SRARP: variants seen among roughly 807,000 people sequenced by gnomAD.
SRARP encodes steroid receptor associated and regulated protein.
SRARP carries 5 observed loss-of-function variants against 3.6 expected under a neutral mutation model. The observed-to-expected ratio is 1.39, with a 90% confidence interval of 0.73 to 2.93. The LOEUF is 2.93. SRARP is among the 30% of genes most tolerant of loss of function. The pLI, the probability that SRARP is intolerant of heterozygous loss-of-function variation, is 0.00. For missense variants in SRARP, 215 were observed against 216.7 expected, an observed-to-expected ratio of 0.99 and a Z score of 0.05; for synonymous variants, 96 against 91.6, an observed-to-expected ratio of 1.05 and a Z score of -0.27.
chr1:16,006,452 T>G lies in SRARP; in HGVS notation c.*106T>G, dbSNP rs892930585. On this transcript the variant is annotated 3_prime_UTR_variant, in exon 2 of 2. Coordinates refer to ENST00000329454, the MANE Select transcript of SRARP (RefSeq NM_178840.4). Reference sequence around the variant, plus strand: ...TGTGCTTGAGCCAAGGAAACATCATTAGATCCGCTAAGGGGCATCTGAAAC... The same window carrying G: ...TGTGCTTGAGCCAAGGAAACATCATGAGATCCGCTAAGGGGCATCTGAAAC... The G allele has an allele frequency of 4.0e-5, 50 of 1,256,970 alleles. No individual in the cohort carries two copies. The African/African-American group carries it at 7.6e-4, about 19-fold the overall frequency. The allele number at this position is 1,256,970 out of a possible 1,614,324, so 77.9% of individuals were successfully genotyped here.
chr1:16,008,305 G>C lies in SRARP; in HGVS notation c.*1959G>C, dbSNP rs190694129. The C allele has an allele frequency of 6.6e-6, 1 of 152,338 alleles. No homozygotes were observed. The highest frequency in any genetic ancestry group is 1.9e-4 in the East Asian group (1 of 5,194). The allele number at this position is 152,338 out of a possible 1,614,324, so 9.4% of individuals were successfully genotyped here. A position where few individuals can be genotyped will look rare whatever the true frequency, so the allele number is the denominator to read the frequency against. Reference sequence around the variant, plus strand: ...AGTGCTCTGGGCAGAAGGACCAGTCGTTCAGTCTGGCTAGGGTAATTGTCA... The same window carrying C: ...AGTGCTCTGGGCAGAAGGACCAGTCCTTCAGTCTGGCTAGGGTAATTGTCA... On this transcript the variant is annotated 3_prime_UTR_variant, in exon 2 of 2. Coordinates refer to ENST00000329454, the MANE Select transcript of SRARP (RefSeq NM_178840.4).
At chr1:16,004,538 C>A (rs2073116130) in intron 1 of SRARP, among the ~76,000 whole-genome samples, 153 bp downstream of exon 1, 1 of 151,886 alleles carries the variant, frequency 6.6e-6, no homozygotes, top group Non-Finnish European at 1.5e-5. Flanking sequence ...CATAGTGAAA[C>A]CCCATATCTG....
At chr1:16,005,521 G>A (rs1372210913) in intron 1 of SRARP, among the ~76,000 whole-genome samples, 1 of 152,180 alleles carries the variant, frequency 6.6e-6, no homozygotes, top group Non-Finnish European at 1.5e-5. Context: ...GTCCTCCTCT[G>A]TTGGTGTATC....
intron 1 of SRARP, 133 bp downstream of exon 1, chr1:16,004,518 G>A: frequency 1.4e-6 from 1 of 703,256 alleles, no homozygotes; most frequent in East Asian, 3.3e-5. Context: ...TTCGAGACCA[G>A]CTTGGCCAAC....
In SRARP at chr1:16,007,298, C is replaced by T. The variant is rs914511901; in HGVS notation, c.*952C>T. The stretch of plus-strand genomic sequence containing the variant: ...GAGGAGGTTCACCCCTCAGGGCAAT[C>T]GTGTTCCCTGAGCAGGAGGTGGAGT... On this transcript the variant is annotated 3_prime_UTR_variant, in exon 2 of 2. Coordinates refer to ENST00000329454, the MANE Select transcript of SRARP (RefSeq NM_178840.4). The T allele has an allele frequency of 1.3e-5, 2 of 150,420 alleles. No homozygotes were observed. The highest frequency in any genetic ancestry group is 2.9e-5 in the Non-Finnish European group (2 of 67,888). The allele number at this position is 150,420 out of a possible 1,614,324, so 9.3% of individuals were successfully genotyped here.
At chr1:16,005,863 G>A in intron 1 of SRARP, 56 bp from the exon 2 acceptor site, 1 of 1,462,362 alleles carries the variant, frequency 6.8e-7, no homozygotes. Flanking sequence ...CCCTGTCTCA[G>A]GGGAAAAGAA....
rs781458781 is a variant in SRARP, at chr1:16,006,180, G to C, written c.344G>C (p.Gly115Ala). 1.2e-6 allele frequency: 2 copies of C among 1,613,912 alleles called. No individual in the cohort carries two copies. Among genetic ancestry groups the C allele is most frequent in the Admixed American group, 3.3e-5 (2 of 60,034 alleles). ...AGGGCCACCCTGCCGCTCTGCAGAG[G>C]GTCTGTGGCCTCAGCTTCCTTCCCA... ...QARATLPLCR[G>A]SVASASFPVS... Residue 115 changes from glycine (G) to alanine (A), a missense_variant, in exon 2 of 2, where the codon GGG becomes GCG. Gly to Ala is a moderately conservative substitution (Grantham distance 60, BLOSUM62 0). Coordinates refer to ENST00000329454, the MANE Select transcript of SRARP (RefSeq NM_178840.4).
chr1:16,006,714 T>C lies in SRARP; in HGVS notation c.*368T>C, dbSNP rs948768972. The C allele has an allele frequency of 6.3e-5, 12 of 190,166 alleles. No individual in the cohort carries two copies. The Admixed American group carries it at 6.4e-4, about 10-fold the overall frequency. The allele number at this position is 190,166 out of a possible 1,614,324, so 11.8% of individuals were successfully genotyped here. ...ACAGCGATGAATGCTCTGCAGGAAC[T>C]GAAACAGGATGCTAGAGGGAGAGTG... On this transcript the variant is annotated 3_prime_UTR_variant, in exon 2 of 2. Coordinates refer to ENST00000329454, the MANE Select transcript of SRARP (RefSeq NM_178840.4).
intron 1 of SRARP, among the ~76,000 whole-genome samples, chr1:16,004,713 CAAA>C (rs1190178584): frequency 1.3e-3 from 41 of 31,630 alleles, no homozygotes; most frequent in African/African-American, 5.6e-3. Context: ...GACTCCATCT[CAAA>C]AAAAAAAAAA....
In SRARP at chr1:16,007,035, G is replaced by C. The variant is rs1185991625; in HGVS notation, c.*689G>C. The C allele has an allele frequency of 6.6e-6, 1 of 152,220 alleles. No individual in the cohort carries two copies. The highest frequency in any genetic ancestry group is 1.5e-5 in the Non-Finnish European group (1 of 68,064). The allele number at this position is 152,220 out of a possible 1,614,324, so 9.4% of individuals were successfully genotyped here. On this transcript the variant is annotated 3_prime_UTR_variant, in exon 2 of 2. Transcript: ENST00000329454. ...TCGAGGGCCATGCCAGTTGGGGCTG[G>C]GAGGCTCAGGGAAGTTGGCTCCAGG...
At position 16,006,049 on chromosome 1, in the gene SRARP, A is replaced by G. The variant is rs1222899705; in HGVS notation, c.213A>G (p.Arg71=). The G allele has an allele frequency of 6.2e-7, 1 of 1,613,950 alleles. No individual in the cohort carries two copies. Among genetic ancestry groups the G allele is most frequent in the East Asian group, 2.2e-5 (1 of 44,876 alleles). Residue 71 remains arginine (R), a synonymous_variant, in exon 2 of 2, where the codon CGA becomes CGG. Coordinates refer to ENST00000329454, the MANE Select transcript of SRARP (RefSeq NM_178840.4). ...CACCCCAAGCCCCCAGTCCCAATCG[A>G]GGGCTTGTCACCCCACCAATGAAGA... ...ASPPQAPSPN[R]GLVTPPMKTY... is the part of the protein sequence containing the mutation.
In SRARP at chr1:16,006,337, G is replaced by A. The variant is rs1179483072; in HGVS notation, c.501G>A (p.Gln167=). ...LKALSSCVCG[Q]AD is the part of the protein sequence containing the mutation. ...CCCTCTCCTCTTGTGTCTGTGGGCAGGCCGATTAGCTGGAAGGGCCGGGCT... is the reference window on the plus strand; with the variant it reads ...CCCTCTCCTCTTGTGTCTGTGGGCAAGCCGATTAGCTGGAAGGGCCGGGCT... The change falls in exon 2 of 2, where the codon CAG becomes CAA. Residue 167 remains glutamine, a synonymous_variant. Coordinates refer to ENST00000329454, the MANE Select transcript of SRARP (RefSeq NM_178840.4). 2 of 1,590,972 alleles carry A rather than the reference G, an allele frequency of 1.3e-6. No individual in the cohort carries two copies. The highest frequency in any genetic ancestry group is 1.7e-6 in the Non-Finnish European group (2 of 1,164,334).
In SRARP at chr1:16,008,431, C is replaced by T. The variant is rs946773856; in HGVS notation, c.*2085C>T. 1 of 152,188 alleles carries T rather than the reference C, an allele frequency of 6.6e-6. No individual in the cohort carries two copies. Among genetic ancestry groups the T allele is most frequent in the Non-Finnish European group, 1.5e-5 (1 of 68,064 alleles). 9.4% of individuals were successfully genotyped at this position (152,188 alleles called of 1,614,324 possible). ...CAATGAATAAGACAATGAGGCCCAG[C>T]CACAAAATAGTTTATCCTCTAGTTG... On this transcript the variant is annotated 3_prime_UTR_variant, in exon 2 of 2. Coordinates refer to ENST00000329454, the MANE Select transcript of SRARP (RefSeq NM_178840.4).
In SRARP at chr1:16,008,063, C is replaced by G. The variant is rs1189010377; in HGVS notation, c.*1717C>G. 6.6e-6 allele frequency: 1 copy of G among 152,344 alleles called. No individual in the cohort carries two copies. The highest frequency in any genetic ancestry group is 1.5e-5 in the Non-Finnish European group (1 of 68,166). 9.4% of individuals were successfully genotyped at this position (152,344 alleles called of 1,614,324 possible). A position where few individuals can be genotyped will look rare whatever the true frequency, so the allele number is the denominator to read the frequency against. ...TAAATGTAACCCTGTCCTCAAGGAG[C>G]TCACAGCCAGGTGGGGGAGGCCAGA... is the stretch of plus-strand genomic sequence containing the variant. On this transcript the variant is annotated 3_prime_UTR_variant, in exon 2 of 2. Transcript: ENST00000329454.
Position 16,006,544 on chromosome 1 carries a change from A to G in SRARP, c.*198A>G. On this transcript the variant is annotated 3_prime_UTR_variant, in exon 2 of 2. Transcript: ENST00000329454. ...AAGAGACTCATTCATTCATACAGCA[A>G]ATATTACTGGTACATCTTCCACATG... 2 of 583,030 alleles carry G rather than the reference A, an allele frequency of 3.4e-6. No homozygotes were observed. Among genetic ancestry groups the G allele is most frequent in the South Asian group, 2.7e-5 (1 of 36,966 alleles). The allele number at this position is 583,030 out of a possible 1,614,324, so 36.1% of individuals were successfully genotyped here.
intron 1 of SRARP, among the ~76,000 whole-genome samples, chr1:16,005,117 A>G (rs2073119543): frequency 6.6e-6 from 1 of 152,088 alleles, no homozygotes; most frequent in Non-Finnish European, 1.5e-5. Flanking sequence ...GAGGCTGTGG[A>G]CAAGATTATC....
intron 1 of SRARP, among the ~76,000 whole-genome samples, chr1:16,005,534 C>G (rs1308277344): frequency 2.0e-5 from 3 of 152,168 alleles, no homozygotes; most frequent in African/African-American, 7.2e-5. Context: ...GGTGTATCAA[C>G]CAATCCAGTT....
In SRARP at chr1:16,007,264, AGGTGGGGGG is replaced by A. The variant is rs2073135104; in HGVS notation, c.*919_*927del. 7.0e-6 allele frequency: 1 copy of A among 142,856 alleles called. No homozygotes were observed. Among genetic ancestry groups the A allele is most frequent in the African/African-American group, 2.6e-5 (1 of 38,624 alleles). The allele number at this position is 142,856 out of a possible 1,614,324, so 8.8% of individuals were successfully genotyped here. ...TAGGGATAGCAAAAAAAAAAAAAAAAGGTGGGGGGAGGAGGTTCACCCCTCAGGGCAATC... is the reference window on the plus strand; with the variant it reads ...TAGGGATAGCAAAAAAAAAAAAAAAAAGGAGGTTCACCCCTCAGGGCAATC... On this transcript the variant is annotated 3_prime_UTR_variant, in exon 2 of 2. Coordinates refer to ENST00000329454, the MANE Select transcript of SRARP (RefSeq NM_178840.4).
chr1:16,004,432 G>A (rs1037421148), intron 1 of SRARP, 47 bp downstream of exon 1: 8 of 1,498,242 alleles, frequency 5.3e-6, no homozygotes, highest in Non-Finnish European at 6.4e-6. Flanking sequence ...CACCAGCTGG[G>A]GGCCAGGTGC....
Sources: allele counts gnomAD v4.1 joint callset (sites outside exome capture counted in the v4.1 genomes callset), GRCh38; gene constraint gnomAD v4.1.1; transcripts MANE v1.5; gene names NCBI Gene and HGNC (gene_info 2026-07-23, HGNC 2026-07-21).